The following ANO6 variants were observed in gnomAD, a reference collection of about 807,000 sequenced individuals.
The protein encoded by ANO6 is anoctamin 6, also known as anoctamin-6.
A neutral mutation model predicts 117.5 loss-of-function variants in ANO6; 106 were observed. The ratio of observed to expected loss-of-function variants is 0.90; its 90% CI spans 0.77 to 1.06. The LOEUF is 1.06. Ranked by LOEUF, ANO6 falls within the 50% of genes least tolerant of loss-of-function variation. The probability of loss-of-function intolerance (pLI) is 0.00; values close to 1 mark genes in which losing one functional copy is unlikely to be tolerated. For synonymous variants in ANO6, 367 were observed against 385.1 expected, an observed-to-expected ratio of 0.95 and a Z score of 0.55; for missense variants, 955 against 1,121.1, an observed-to-expected ratio of 0.85 and a Z score of 2.12.
At chr12:45,228,006 C>T (rs1004048994) in intron 1 of ANO6, among the ~76,000 whole-genome samples, 3 of 151,984 alleles carry the variant, frequency 2.0e-5, no homozygotes, top group Admixed American at 6.6e-5. Context: ...GAAATCTTAG[C>T]AAAAGATCCT....
At chr12:45,304,901 G>A (rs917907465) in intron 2 of ANO6, among the ~76,000 whole-genome samples, 1 of 152,150 alleles carries the variant, frequency 6.6e-6, no homozygotes, top group African/African-American at 2.4e-5. Flanking sequence ...AATAAATGCT[G>A]CTGTGAACCT....
Position 45,216,136 on chromosome 12 carries a change from C to T in ANO6, c.-186C>T, listed in dbSNP as rs879197490. On this transcript the variant is annotated 5_prime_UTR_variant, in exon 1 of 20. Coordinates refer to ENST00000320560, the MANE Select transcript of ANO6 (RefSeq NM_001025356.3). ...TCGGCAGGCGAGAGGCGTCCTCCGG[C>T]TCTGGGCTCCGGTCGGTGGGTGCCT... The T allele has an allele frequency of 1.6e-6, 1 of 636,524 alleles. No individual in the cohort carries two copies. Among genetic ancestry groups the T allele is most frequent in the Non-Finnish European group, 2.7e-6 (1 of 369,496 alleles). 39.4% of individuals were successfully genotyped at this position (636,524 alleles called of 1,614,324 possible).
intron 1 of ANO6, among the ~76,000 whole-genome samples, chr12:45,285,508 C>G (rs1938880276): frequency 1.3e-5 from 2 of 152,152 alleles, no homozygotes; most frequent in African/African-American, 4.8e-5. Flanking sequence ...CTTTGGGAGG[C>G]TGAGGCAGGC....
In ANO6 at chr12:45,429,738, C is replaced by T. The variant is rs2137736266; in HGVS notation, c.*427C>T. 9.7e-7 allele frequency: 1 copy of T among 1,034,424 alleles called. No homozygotes were observed. Among genetic ancestry groups the T allele is most frequent in the East Asian group, 9.0e-5 (1 of 11,116 alleles). 64.1% of individuals were successfully genotyped at this position (1,034,424 alleles called of 1,614,324 possible). Reference sequence around the variant, plus strand: ...TAGATCTGTTCCAGGGTCATCTTTTCCTTACAGTACCATCATTATAGATTT... The same window carrying T: ...TAGATCTGTTCCAGGGTCATCTTTTTCTTACAGTACCATCATTATAGATTT... On this transcript the variant is annotated 3_prime_UTR_variant, in exon 20 of 20. Coordinates refer to ENST00000320560, the MANE Select transcript of ANO6 (RefSeq NM_001025356.3).
At position 45,416,774 on chromosome 12, in the gene ANO6, T is replaced by C. The variant is rs1254234977; in HGVS notation, c.2087T>C (p.Ile696Thr). Residue 696 changes from isoleucine (I) to threonine (T), a missense_variant, in exon 17 of 20, where the codon ATA becomes ACA. Transcript: ENST00000320560. ...LAPLLALVNN[I>T]LEIRVDAWKL... The stretch of plus-strand genomic sequence containing the variant: ...CCTCTGTTGGCTCTCGTGAACAATA[T>C]ATTGGAAATAAGAGTGGACGCATGG... The C allele has an allele frequency of 1.9e-6, 3 of 1,614,158 alleles. No homozygotes were observed. The highest frequency in any genetic ancestry group is 2.2e-5 in the East Asian group (1 of 44,890).
Position 45,432,095 on chromosome 12 carries a change from A to G in ANO6, c.*2784A>G. The stretch of plus-strand genomic sequence containing the variant: ...TAATTCACAATGGGGGTCAGAATGT[A>G]CTCTTGTTGAAACACTTCTTGTACC... On this transcript the variant is annotated 3_prime_UTR_variant, in exon 20 of 20. Coordinates refer to ENST00000320560, the MANE Select transcript of ANO6 (RefSeq NM_001025356.3). 2 of 985,360 alleles carry G rather than the reference A, an allele frequency of 2.0e-6. No individual in the cohort carries two copies. Among genetic ancestry groups the G allele is most frequent in the Non-Finnish European group, 2.4e-6 (2 of 829,934 alleles). 61.0% of individuals were successfully genotyped at this position (985,360 alleles called of 1,614,324 possible).
chr12:45,364,040 T>G (rs992430343), intron 8 of ANO6, among the ~76,000 whole-genome samples: 4 of 152,230 alleles, frequency 2.6e-5, no homozygotes, highest in Non-Finnish European at 5.9e-5. Context: ...TCTTAATTTC[T>G]CCATTTTTGA....
At chr12:45,437,070 G>A (rs1943715324), downstream of ANO6, among the ~76,000 whole-genome samples, 1 of 152,182 alleles carries the variant, frequency 6.6e-6, no homozygotes, top group Non-Finnish European at 1.5e-5. Context: ...GAAAAGACAA[G>A]GGTTGACATA....
chr12:45,372,468 C>T (rs1277603818), intron 9 of ANO6, among the ~76,000 whole-genome samples: 17 of 142,930 alleles, frequency 1.2e-4, no homozygotes, highest in South Asian at 7.3e-4. Flanking sequence ...AGAGAAAGGT[C>T]GGGTTACCCT....
At position 45,367,692 on chromosome 12, in the gene ANO6, G is replaced by C. The variant is rs763997922; in HGVS notation, c.1003G>C (p.Glu335Gln). ...LNQDNCTWSK[E>Q]VCHPDIGGKI... is the part of the protein sequence containing the mutation. ...GTTTTATTTCTCTCTTTTTAGCAAAGAAGTTTGTCATCCTGATATTGGTGG... is the reference window on the plus strand; with the variant it reads ...GTTTTATTTCTCTCTTTTTAGCAAACAAGTTTGTCATCCTGATATTGGTGG... Residue 335 changes from glutamate (E) to glutamine (Q), a missense_variant, in exon 9 of 20, where the codon GAA becomes CAA. By Grantham distance (29) the Glu-to-Gln change is conservative (BLOSUM62 2). Transcript: ENST00000320560. 1.2e-6 allele frequency: 2 copies of C among 1,612,006 alleles called. No homozygotes were observed. Among genetic ancestry groups the C allele is most frequent in the African/African-American group, 1.3e-5 (1 of 74,882 alleles).
chr12:45,277,380 A>T (rs1938588360), intron 1 of ANO6, among the ~76,000 whole-genome samples: 1 of 152,174 alleles, frequency 6.6e-6, no homozygotes, highest in South Asian at 2.1e-4. Flanking sequence ...TCTCAGTGTA[A>T]TCAGCCATGC....
intron 3 of ANO6, among the ~76,000 whole-genome samples, chr12:45,335,975 A>G (rs1412175688): frequency 6.6e-6 from 1 of 151,938 alleles, no homozygotes; most frequent in Non-Finnish European, 1.5e-5. Context: ...TGCCATATTT[A>G]TACTTTCTTT....
At chr12:45,390,564 A>G (rs1200656679) in intron 12 of ANO6, 66 bp downstream of exon 12, 1 of 1,375,406 alleles carries the variant, frequency 7.3e-7, no homozygotes, top group Non-Finnish European at 1.0e-6. Context: ...GATTTTTTTA[A>G]TATCTAATTT....
chr12:45,243,696 C>T (rs770160921), intron 1 of ANO6, among the ~76,000 whole-genome samples: 17 of 152,096 alleles, frequency 1.1e-4, no homozygotes, highest in Non-Finnish European at 1.9e-4. Context: ...ATTACAGTCA[C>T]CTGCCACCAT....
chr12:45,386,638 C>T (rs1942306737), intron 10 of ANO6, among the ~76,000 whole-genome samples: 1 of 152,234 alleles, frequency 6.6e-6, no homozygotes, highest in African/African-American at 2.4e-5. Context: ...TCCATCTGTA[C>T]GTTAAACTCT....
intron 1 of ANO6, among the ~76,000 whole-genome samples, chr12:45,218,795 A>G (rs1018860548): frequency 1.3e-5 from 2 of 152,098 alleles, no homozygotes; most frequent in African/African-American, 4.8e-5. Context: ...TAATTTTGCA[A>G]TGCACGTCTG....
intron 14 of ANO6, 69 bp downstream of exon 14, chr12:45,403,310 G>GT: frequency 6.4e-7 from 1 of 1,560,550 alleles, no homozygotes; most frequent in Non-Finnish European, 8.8e-7. Context: ...CAAATGAATA[G>GT]TTTTTTATTG....
At chr12:45,377,319 A>T (rs1458736367) in intron 9 of ANO6, among the ~76,000 whole-genome samples, 1 of 152,128 alleles carries the variant, frequency 6.6e-6, no homozygotes, top group Non-Finnish European at 1.5e-5. Flanking sequence ...TTTTCCAGGA[A>T]CTCATAGAGG....
Position 45,331,467 on chromosome 12 carries a change from G to T in ANO6, c.279+44G>T, listed in dbSNP as rs762235354. 4 of 1,531,364 alleles carry T rather than the reference G, an allele frequency of 2.6e-6. No homozygotes were observed. The South Asian group carries it at 4.9e-5, about 19-fold the overall frequency. 94.9% of individuals were successfully genotyped at this position (1,531,364 alleles called of 1,614,324 possible). ...TTCCTTTCTTTTTATTTCTTATATT[G>T]TAACATGAAAAAACTGCTATTTTGT... On this transcript the variant is annotated intron_variant, in intron 3 of 19. Coordinates refer to ENST00000320560, the MANE Select transcript of ANO6 (RefSeq NM_001025356.3).
Sources: gnomAD v4.1 joint callset for allele counts (sites outside exome capture counted in the v4.1 genomes callset) on GRCh38, gnomAD v4.1.1 for gene constraint, MANE v1.5 for transcripts, NCBI Gene and HGNC (gene_info 2026-07-23, HGNC 2026-07-21) for gene names.